The following ACSBG1 variants were observed in gnomAD, a reference collection of about 807,000 sequenced individuals.
ACSBG1 encodes long-chain-fatty-acid--CoA ligase ACSBG1.
A neutral mutation model predicts 80.2 loss-of-function variants in ACSBG1; 39 were observed. The observed-to-expected ratio is 0.49, with a 90% CI of 0.38 to 0.64. The LOEUF (loss-of-function observed/expected upper bound fraction) is 0.64, where lower values mean the gene tolerates loss of function less well. Among genes scored for constraint, ACSBG1 ranks in the 30% least tolerant of loss-of-function variants. ACSBG1 has a pLI of 0.00. For missense variants in ACSBG1, 828 were observed against 966.4 expected (o/e 0.86, Z 1.90); for synonymous variants, 392 against 379.5 (o/e 1.03, Z -0.38).
intron 1 of ACSBG1, among the ~76,000 whole-genome samples, chr15:78,217,828 A>T (rs1030157620): frequency 2.0e-5 from 3 of 152,104 alleles, no homozygotes; most frequent in African/African-American, 7.2e-5. Context: ...GCCTCCCAAA[A>T]GTGCTGGGAT....
Position 78,168,885 on chromosome 15 carries a change from G to A in ACSBG1, c.*2559C>T, listed in dbSNP as rs534649802. 2.7e-5 allele frequency: 37 copies of A among 1,368,010 alleles called. No homozygotes were observed. Among genetic ancestry groups the A allele is most frequent in the Non-Finnish European group, 3.2e-5 (31 of 964,356 alleles). The allele number at this position is 1,368,010 out of a possible 1,614,324, so 84.7% of individuals were successfully genotyped here. A position where few individuals can be genotyped will look rare whatever the true frequency, so the allele number is the denominator to read the frequency against. On this transcript the variant is annotated 3_prime_UTR_variant, in exon 14 of 14. Transcript: ENST00000258873. The stretch of plus-strand genomic sequence containing the variant: ...ATCTCCTTGGTTTAGTTTAGTTTGC[G>A]GATACATCTTTTATTTTTGCTTTTT...
intron 2 of ACSBG1, among the ~76,000 whole-genome samples, chr15:78,205,592 C>T (rs148158238): frequency 7.9e-4 from 120 of 152,294 alleles, no homozygotes; most frequent in African/African-American, 2.9e-3. Flanking sequence ...CTCTGAGCTC[C>T]ATTTCCTCTA....
intron 1 of ACSBG1, among the ~76,000 whole-genome samples, chr15:78,211,848 C>A (rs1429065387): frequency 6.6e-6 from 1 of 152,204 alleles, no homozygotes. Flanking sequence ...CCAACACCCT[C>A]TCACCCCTGT....
In ACSBG1 at chr15:78,234,442, G is replaced by A; in HGVS notation, c.60C>T (p.Asp20=). Reference sequence around the variant, plus strand: ...GGCTCTCCTGTGGGGTCTCTCTGCTGTCCAGCATGCTGGGGTCCCCGTGTG... The same window carrying A: ...GGCTCTCCTGTGGGGTCTCTCTGCTATCCAGCATGCTGGGGTCCCCGTGTG... ...GCPHGDPSML[D]SRETPQESRQ... is the part of the protein sequence containing the mutation. The change falls in exon 1 of 14, where the codon GAC becomes GAT. Residue 20 remains aspartate, a synonymous_variant. Coordinates refer to ENST00000258873, the MANE Select transcript of ACSBG1 (RefSeq NM_015162.5). 1 of 1,613,084 alleles carries A rather than the reference G, an allele frequency of 6.2e-7. No homozygotes were observed. Among genetic ancestry groups the A allele is most frequent in the Non-Finnish European group, 8.5e-7 (1 of 1,180,026 alleles).
Position 78,208,233 on chromosome 15 carries a change from C to T in ACSBG1, c.132-131G>A. ...CTGGCACCTCTGTCTCCTGCAAATG[C>T]TGGGGCCATCCACAGAGGAGAACCC... On this transcript the variant is annotated intron_variant, in intron 1 of 13. Coordinates refer to ENST00000258873, the MANE Select transcript of ACSBG1 (RefSeq NM_015162.5). 4.3e-6 allele frequency: 3 copies of T among 697,586 alleles called. No individual in the cohort carries two copies. The South Asian group carries it at 5.1e-5, about 12-fold the overall frequency. 43.2% of individuals were successfully genotyped at this position (697,586 alleles called of 1,614,324 possible). A position where few individuals can be genotyped will look rare whatever the true frequency, so the allele number is the denominator to read the frequency against.
chr15:78,194,421 G>A (rs1413746688), intron 3 of ACSBG1, 85 bp downstream of exon 3: 2 of 1,274,396 alleles, frequency 1.6e-6, no homozygotes, highest in East Asian at 2.4e-5. Flanking sequence ...TGCCCAGTGG[G>A]CAGTTGGAGA....
chr15:78,183,870 G>A (rs921973438), intron 5 of ACSBG1, among the ~76,000 whole-genome samples: 19 of 64,212 alleles, frequency 3.0e-4, no homozygotes, highest in African/African-American at 1.1e-3. Context: ...TAGTGAGGCC[G>A]TATCTTTGGG....
At chr15:78,207,917 T>TCCCCCCCCCCCCCCCCCCCCCCCAC in intron 2 of ACSBG1, 85 bp downstream of exon 2, 1 of 876,066 alleles carries the variant, frequency 1.1e-6, no homozygotes. Context: ...TGTGTGGTGG[T>TCCCCCCCCCCCCCCCCCCCCCCCAC]CCCCCACACC....
rs1271058750 is a variant in ACSBG1, at chr15:78,177,223, C to G, written c.1702+1391G>C. Among the ~76,000 whole-genome samples, 2 of 152,106 alleles carry G rather than the reference C, an allele frequency of 1.3e-5. No homozygotes were observed. Among genetic ancestry groups the G allele is most frequent in the Non-Finnish European group, 2.9e-5 (2 of 68,030 alleles). ...AGAAGACCAAGGCTGTAGGACTTAGCCGGATATCTATCCCTGTCATAAAGC... is the reference window on the plus strand; with the variant it reads ...AGAAGACCAAGGCTGTAGGACTTAGGCGGATATCTATCCCTGTCATAAAGC... On this transcript the variant is annotated intron_variant, in intron 11 of 13. Transcript: ENST00000258873. This position sits in a 1 kb window ranked among gnomAD's most constrained non-coding sequence, Gnocchi z 4.1.
Position 78,171,482 on chromosome 15 carries a change from C to G in ACSBG1, c.2137G>C (p.Gly713Arg), listed in dbSNP as rs1292466827. Residue 713 changes from glycine to arginine, a missense_variant, in exon 14 of 14, where the codon GGT (glycine) becomes CGT (arginine). Physicochemically the swap from Gly to Arg is moderately radical, Grantham distance 125. Transcript: ENST00000258873. ...TCTTGGTAAAAGGAGTCAATGATAC[C>G]TTTGTACTTCTCCAAAACTGTGAGC... ...KRLTVLEKYK[G>R]IIDSFYQEQK... 2 of 1,614,032 alleles carry G rather than the reference C, an allele frequency of 1.2e-6. No homozygotes were observed. Among genetic ancestry groups the G allele is most frequent in the African/African-American group, 1.3e-5 (1 of 74,916 alleles).
Position 78,182,518 on chromosome 15 carries a change from T to C in ACSBG1, c.842A>G (p.Tyr281Cys), listed in dbSNP as rs752644912. The C allele has an allele frequency of 6.2e-7, 1 of 1,614,106 alleles. No individual in the cohort carries two copies. The highest frequency in any genetic ancestry group is 1.1e-5 in the South Asian group (1 of 91,080). The change falls in exon 7 of 14, where the codon TAC (tyrosine) becomes TGC (cysteine). Residue 281 changes from tyrosine to cysteine, a missense_variant. Coordinates refer to ENST00000258873, the MANE Select transcript of ACSBG1 (RefSeq NM_015162.5). The stretch of plus-strand genomic sequence containing the variant: ...GGGGTTCCCAGTGGTGCCGGAAGTG[T>C]AGACTAGCACACAGCACTGGTTGGG... ...QQPNQCCVLV[Y>C]TSGTTGNPKG... is the part of the protein sequence containing the mutation.
At chr15:78,228,621 G>A (rs1298352936) in intron 1 of ACSBG1, among the ~76,000 whole-genome samples, 1 of 152,206 alleles carries the variant, frequency 6.6e-6, no homozygotes, top group Non-Finnish European at 1.5e-5. Flanking sequence ...TCCGTACTCA[G>A]AAGTCTAGGA....
At position 78,171,544 on chromosome 15, in the gene ACSBG1, A is replaced by G; in HGVS notation, c.2090-15T>C. On this transcript the variant is annotated splice_polypyrimidine_tract_variant and intron_variant, in intron 13 of 13. Coordinates refer to ENST00000258873, the MANE Select transcript of ACSBG1 (RefSeq NM_015162.5). ...CATCGTGGGACCTAAAAGGGAAATG[A>G]GAAGAAATGAGTGAGGCCCAGGCTC... 6.2e-7 allele frequency: 1 copy of G among 1,608,898 alleles called. No homozygotes were observed. Among genetic ancestry groups the G allele is most frequent in the Non-Finnish European group, 8.5e-7 (1 of 1,175,212 alleles).
At chr15:78,210,837 C>T (rs1335443161) in intron 1 of ACSBG1, among the ~76,000 whole-genome samples, 2 of 152,160 alleles carry the variant, frequency 1.3e-5, no homozygotes, top group African/African-American at 2.4e-5. Flanking sequence ...TGGTCTCCAA[C>T]TCCTGGGCTC....
intron 11 of ACSBG1, among the ~76,000 whole-genome samples, chr15:78,176,920 C>T (rs1186982177): frequency 6.6e-6 from 1 of 151,672 alleles, no homozygotes; most frequent in African/African-American, 2.4e-5. Flanking sequence ...AAAGCGAGAC[C>T]CTGTTTCAAA....
intron 5 of ACSBG1, among the ~76,000 whole-genome samples, chr15:78,190,005 A>G (rs955606912): frequency 5.3e-5 from 8 of 152,190 alleles, no homozygotes; most frequent in Non-Finnish European, 8.8e-5. Context: ...TGAAAAGATG[A>G]TATCAGATAA....
In ACSBG1 at chr15:78,206,457, TCA is replaced by T. The variant is rs202243663; in HGVS notation, c.232+1543_232+1544del. Among the ~76,000 whole-genome samples, 304 of 152,298 alleles carry T rather than the reference TCA, an allele frequency of 2.0e-3. 5 individuals carry two copies. Among genetic ancestry groups the T allele is most frequent in the African/African-American group, 6.8e-3 (282 of 41,570 alleles). On this transcript the variant is annotated intron_variant, in intron 2 of 13. Transcript: ENST00000258873. ...AGGGCAGGAAAGAAGATTGTCCGTCTCAGTCTCCTTCACAGCCCAGTGCACAG... is the reference window on the plus strand; with the variant it reads ...AGGGCAGGAAAGAAGATTGTCCGTCTGTCTCCTTCACAGCCCAGTGCACAG...
chr15:78,206,856 G>A (rs957289792), intron 2 of ACSBG1, among the ~76,000 whole-genome samples: 4 of 152,208 alleles, frequency 2.6e-5, no homozygotes, highest in Non-Finnish European at 4.4e-5. Flanking sequence ...GGGGCTCCAA[G>A]GGACACGGAG....
At chr15:78,173,528 C>G (rs2074848672) in intron 13 of ACSBG1, 65 bp downstream of exon 13, 1 of 1,579,102 alleles carries the variant, frequency 6.3e-7, no homozygotes, top group Non-Finnish European at 8.6e-7. Context: ...CAGGCACCTC[C>G]TAGGCACTGC....
Sources: allele counts gnomAD v4.1 joint callset (sites outside exome capture counted in the v4.1 genomes callset), GRCh38; gene constraint gnomAD v4.1.1; non-coding constraint Gnocchi (gnomAD v3.1); transcripts MANE v1.5; gene names NCBI Gene and HGNC (gene_info 2026-07-23, HGNC 2026-07-21).